SLC44A1: variants seen among roughly 807,000 people sequenced by gnomAD.
SLC44A1 encodes solute carrier family 44 member 1, also known as choline transporter-like protein 1.
In SLC44A1, 26 loss-of-function variants were observed where a neutral mutation model predicts 79.3. The ratio of observed to expected loss-of-function variants is 0.33; its 90% CI spans 0.24 to 0.46. SLC44A1 has a LOEUF of 0.46. Among genes scored for constraint, SLC44A1 ranks in the 20% least tolerant of loss-of-function variants. The pLI, the probability that SLC44A1 is intolerant of heterozygous loss-of-function variation, is 1.00. For synonymous variants in SLC44A1, 263 were observed against 286.2 expected, an observed-to-expected ratio of 0.92 and a Z score of 0.82; for missense variants, 688 against 798.1, an observed-to-expected ratio of 0.86 and a Z score of 1.66.
chr9:105,261,749 A>G (rs555948690), intron 1 of SLC44A1, among the ~76,000 whole-genome samples: 1 of 148,594 alleles, frequency 6.7e-6, no homozygotes, highest in African/African-American at 2.5e-5. Flanking sequence ...GCCAGAGCCC[A>G]GCTGAATCTG....
rs117013808 is a variant in SLC44A1 at position 105,301,917 on chromosome 9, C to A, written c.126+2608C>A. On this transcript the variant is annotated intron_variant, in intron 2 of 15. Coordinates refer to ENST00000374720, the MANE Select transcript of SLC44A1 (RefSeq NM_080546.5). The stretch of plus-strand genomic sequence containing the variant: ...CTGACACTCAAACCATACCTTTATT[C>A]TCTGACTTTATTTGCAGTTTTTTGC... 1.2e-3 allele frequency among the ~76,000 whole-genome samples: 183 copies of A among 152,286 alleles called. 2 individuals carry two copies. In the East Asian group the frequency reaches 0.019, roughly 16 times the overall value.
At position 105,394,222 on chromosome 9, in the gene SLC44A1, G is replaced by C. The variant is rs926681607; in HGVS notation, c.*5166G>C. 32 of 985,324 alleles carry C rather than the reference G, an allele frequency of 3.2e-5. 1 individual carries two copies. In the East Asian group the frequency reaches 1.2e-3, roughly 38 times the overall value. The allele number at this position is 985,324 out of a possible 1,614,324, so 61.0% of individuals were successfully genotyped here. On this transcript the variant is annotated 3_prime_UTR_variant, in exon 16 of 16. Transcript: ENST00000374720. ...GTGTTTTGAAATGAGGAAGTGATTA[G>C]GCCTCCACTAGAGATACTTTTGAGA...
chr9:105,265,544 G>T (rs1396400585), intron 1 of SLC44A1, among the ~76,000 whole-genome samples: 1 of 152,174 alleles, frequency 6.6e-6, no homozygotes, highest in Non-Finnish European at 1.5e-5. Context: ...AAGAACACGG[G>T]GTTGTTTCCA....
At chr9:105,339,376 G>A (rs1442384100) in intron 4 of SLC44A1, among the ~76,000 whole-genome samples, 1 of 152,136 alleles carries the variant, frequency 6.6e-6, no homozygotes, top group East Asian at 1.9e-4. Context: ...GATAAAATTA[G>A]CATATGATAC....
At chr9:105,415,987 C>T (rs1360398203) in intron 15 of SLC44A1, among the ~76,000 whole-genome samples, 2 of 150,688 alleles carry the variant, frequency 1.3e-5, no homozygotes, top group Non-Finnish European at 3.0e-5. Flanking sequence ...CTGCAACCTC[C>T]ACCTCCCGGG....
At chr9:105,321,116 G>T (rs1217911606) in intron 3 of SLC44A1, among the ~76,000 whole-genome samples, 3 of 151,914 alleles carry the variant, frequency 2.0e-5, no homozygotes, top group Non-Finnish European at 2.9e-5. Flanking sequence ...TGTTTTTTGT[G>T]TACTATCTGG....
chr9:105,348,053 T>C (rs1199338587), intron 4 of SLC44A1, among the ~76,000 whole-genome samples: 2 of 152,112 alleles, frequency 1.3e-5, no homozygotes, highest in Admixed American at 6.6e-5. Flanking sequence ...TACAGAATTA[T>C]AGTAAATTGT....
chr9:105,355,372 T>G (rs1271107978), intron 5 of SLC44A1, among the ~76,000 whole-genome samples: 1 of 152,066 alleles, frequency 6.6e-6, no homozygotes, highest in African/African-American at 2.4e-5. Context: ...AATGACTAAG[T>G]AATTGGTTAT....
downstream of SLC44A1, among the ~76,000 whole-genome samples, chr9:105,401,015 G>C (rs1828951093): frequency 6.6e-6 from 1 of 152,190 alleles, no homozygotes; most frequent in Non-Finnish European, 1.5e-5. Flanking sequence ...TGCTGAGAAT[G>C]AGAACACAGA....
At chr9:105,381,280 C>T (rs1828455287) in intron 13 of SLC44A1, among the ~76,000 whole-genome samples, 1 of 152,046 alleles carries the variant, frequency 6.6e-6, no homozygotes, top group South Asian at 2.1e-4. Context: ...TGGCTCACAC[C>T]TGTAATCCCA....
Position 105,426,258 on chromosome 9 carries a change from G to A in SLC44A1, c.1951-12023G>A, listed in dbSNP as rs866615643. Among the ~76,000 whole-genome samples the A allele has an allele frequency of 3.9e-5, 6 of 152,290 alleles. No individual in the cohort carries two copies. The South Asian group carries it at 1.0e-3, about 26-fold the overall frequency. ...AATGGCATAGTTGTGAAGCAACACT[G>A]GAGAATGTCCTGGGGTTACTCAGTG... On this transcript the variant is annotated intron_variant, in intron 15 of 15. Transcript: ENST00000374724.
At chr9:105,359,515 T>G (rs755701590) in intron 7 of SLC44A1, among the ~76,000 whole-genome samples, 36 of 152,220 alleles carry the variant, frequency 2.4e-4, no homozygotes, top group Non-Finnish European at 3.8e-4. Flanking sequence ...AGTGTTATAA[T>G]GATTAAATTA....
intron 3 of SLC44A1, among the ~76,000 whole-genome samples, chr9:105,323,162 G>A: frequency 6.9e-6 from 1 of 145,452 alleles, no homozygotes; most frequent in East Asian, 2.0e-4. Flanking sequence ...GTTGCAGTGA[G>A]CCGAGATCAT....
chr9:105,257,821 T>C (rs894541502), intron 1 of SLC44A1, among the ~76,000 whole-genome samples: 1 of 152,108 alleles, frequency 6.6e-6, no homozygotes, highest in Non-Finnish European at 1.5e-5. Flanking sequence ...TTGCTGCTTG[T>C]CAGTATGGAA....
chr9:105,418,810 T>C (rs1021760593), intron 15 of SLC44A1, among the ~76,000 whole-genome samples: 4 of 152,214 alleles, frequency 2.6e-5, no homozygotes, highest in African/African-American at 9.7e-5. Flanking sequence ...TGTGACTTTC[T>C]TATTAGCAGA....
chr9:105,396,416 T>C lies in SLC44A1; in HGVS notation c.*7360T>C, dbSNP rs1276861140. On this transcript the variant is annotated 3_prime_UTR_variant, in exon 16 of 16. Transcript: ENST00000374720. ...AAAAACAACCAAAGACAAAACCCTATCTTCTGAAGACCAAAGGTCCAACTT... is the reference window on the plus strand; with the variant it reads ...AAAAACAACCAAAGACAAAACCCTACCTTCTGAAGACCAAAGGTCCAACTT... 5.1e-6 allele frequency: 5 copies of C among 985,266 alleles called. No individual in the cohort carries two copies. Among genetic ancestry groups the C allele is most frequent in the East Asian group, 1.1e-4 (1 of 8,824 alleles). The allele number at this position is 985,266 out of a possible 1,614,324, so 61.0% of individuals were successfully genotyped here. A position where few individuals can be genotyped will look rare whatever the true frequency, so the allele number is the denominator to read the frequency against.
At chr9:105,325,264 T>C (rs1370336936) in intron 3 of SLC44A1, among the ~76,000 whole-genome samples, 1 of 152,200 alleles carries the variant, frequency 6.6e-6, no homozygotes, top group Non-Finnish European at 1.5e-5. Context: ...TATGGTACAA[T>C]TCTCTTTATA....
chr9:105,438,192 T>G, intron 15 of SLC44A1: 1 of 1,063,204 alleles, frequency 9.4e-7, no homozygotes, highest in Non-Finnish European at 1.4e-6. Context: ...TTAAAGACGA[T>G]CCCACACTAT....
chr9:105,351,558 G>GAA (rs1564452492), intron 5 of SLC44A1, among the ~76,000 whole-genome samples: 42 of 111,832 alleles, frequency 3.8e-4, no homozygotes, highest in African/African-American at 1.7e-3. Flanking sequence ...GAAAGAAAGA[G>GAA]AGAAAGAGAG....
Sources: gnomAD v4.1 joint callset for allele counts (sites outside exome capture counted in the v4.1 genomes callset) on GRCh38, gnomAD v4.1.1 for gene constraint, MANE v1.5 for transcripts, NCBI Gene and HGNC (gene_info 2026-07-23, HGNC 2026-07-21) for gene names.